The following KATNA1 variants were observed in gnomAD, a reference collection of about 807,000 sequenced individuals.
The protein encoded by KATNA1 is katanin p60 ATPase-containing subunit A1.
In KATNA1, 42 loss-of-function variants were observed where a neutral mutation model predicts 62.6. That is an observed-to-expected ratio of 0.67 (90% CI 0.52 to 0.87). KATNA1 has a LOEUF of 0.87. Among genes scored for constraint, KATNA1 ranks in the 40% least tolerant of loss-of-function variants. The pLI, the probability that KATNA1 is intolerant of heterozygous loss-of-function variation, is 0.00. For synonymous variants in KATNA1, 186 were observed against 201.9 expected (o/e 0.92, Z 0.67); for missense variants, 498 against 612.5 (o/e 0.81, Z 1.97).
intron 4 of KATNA1, among the ~76,000 whole-genome samples, chr6:149,608,328 G>A (rs1433671633): frequency 1.3e-5 from 2 of 152,128 alleles, no homozygotes; most frequent in African/African-American, 4.8e-5. Context: ...TGAGTTCCCT[G>A]GGTTTTCTTT....
chr6:149,627,832 C>G (rs1345850937), intron 3 of KATNA1, among the ~76,000 whole-genome samples: 1 of 151,846 alleles, frequency 6.6e-6, no homozygotes, highest in Non-Finnish European at 1.5e-5. Flanking sequence ...GAGGGAAAGG[C>G]AGGTGAAAGG....
chr6:149,595,838 C>T (rs575379658), intron 10 of KATNA1, among the ~76,000 whole-genome samples: 18 of 152,258 alleles, frequency 1.2e-4, no homozygotes, highest in South Asian at 1.0e-3. Flanking sequence ...AGGAAACGAG[C>T]GCAGTCAAGC....
Position 149,646,361 on chromosome 6 carries a change from C to T in KATNA1, c.-14+2108G>A, listed in dbSNP as rs73779537. On this transcript the variant is annotated intron_variant, in intron 1 of 10. Coordinates refer to ENST00000367411, the MANE Select transcript of KATNA1 (RefSeq NM_007044.4). ...TTAAATACCTCTCTGTAAAATTTAC[C>T]TCCTAAAACAAAAAGATCACGAAGC... Among the ~76,000 whole-genome samples the T allele has an allele frequency of 3.6e-3, 553 of 152,174 alleles. 3 individuals are homozygous for T. The highest frequency in any genetic ancestry group is 0.013 in the African/African-American group (526 of 41,524).
intron 1 of KATNA1, among the ~76,000 whole-genome samples, chr6:149,647,521 C>CAAAAAAAAAAA (rs10719474): frequency 2.1e-5 from 1 of 46,858 alleles, no homozygotes; most frequent in African/African-American, 7.7e-5. Flanking sequence ...GACTCCGTCT[C>CAAAAAAAAAAA]AAAAAAAAAA....
At chr6:149,622,123 G>GT (rs1562292322) in intron 4 of KATNA1, among the ~76,000 whole-genome samples, 1 of 113,682 alleles carries the variant, frequency 8.8e-6, no homozygotes. Flanking sequence ...TGATAACTGT[G>GT]TTTTTTTTGT....
intron 5 of KATNA1, among the ~76,000 whole-genome samples, chr6:149,603,577 T>C (rs1261454903): frequency 1.3e-5 from 2 of 152,198 alleles, no homozygotes; most frequent in East Asian, 3.8e-4. Flanking sequence ...TCTTCAGTTA[T>C]TGGCGGTTGA....
At chr6:149,627,402 A>G (rs1298610932) in intron 3 of KATNA1, among the ~76,000 whole-genome samples, 1 of 151,650 alleles carries the variant, frequency 6.6e-6, no homozygotes. Context: ...CCTGTCTACT[A>G]AAAATACAAA....
intron 4 of KATNA1, among the ~76,000 whole-genome samples, chr6:149,611,987 G>A (rs986604001): frequency 1.3e-5 from 2 of 151,842 alleles, no homozygotes; most frequent in Non-Finnish European, 2.9e-5. Flanking sequence ...GCGACAAAGC[G>A]AGACTCCATC....
At chr6:149,614,557 A>C (rs1447607539) in intron 4 of KATNA1, among the ~76,000 whole-genome samples, 11 of 152,138 alleles carry the variant, frequency 7.2e-5, no homozygotes, top group Admixed American at 5.9e-4. Context: ...AGGATTGCTT[A>C]AGGCCAGGAT....
At chr6:149,601,463 A>T in intron 7 of KATNA1, 131 bp downstream of exon 7, 1 of 571,992 alleles carries the variant, frequency 1.7e-6, no homozygotes, top group Non-Finnish European at 2.9e-6. Flanking sequence ...ATCTAGCTTT[A>T]AGGGCATAGG....
chr6:149,641,895 T>G (rs1350929784), intron 1 of KATNA1, among the ~76,000 whole-genome samples: 3 of 152,138 alleles, frequency 2.0e-5, no homozygotes, highest in Non-Finnish European at 4.4e-5. Flanking sequence ...AAACCTCTTT[T>G]TATTCTTTTA....
intron 7 of KATNA1, among the ~76,000 whole-genome samples, chr6:149,599,233 A>C (rs1778440449): frequency 6.6e-6 from 1 of 152,122 alleles, no homozygotes; most frequent in Non-Finnish European, 1.5e-5. Flanking sequence ...TTTTTCAACA[A>C]ATGGAGAGAG....
intron 4 of KATNA1, among the ~76,000 whole-genome samples, chr6:149,612,344 C>T (rs1275357845): frequency 1.3e-5 from 2 of 152,052 alleles, no homozygotes; most frequent in African/African-American, 4.8e-5. Context: ...TCTGTCTCTA[C>T]TAAAATACAA....
intron 7 of KATNA1, among the ~76,000 whole-genome samples, chr6:149,600,770 TAAAAAAA>T (rs386408910): frequency 5.5e-5 from 6 of 108,374 alleles, no homozygotes; most frequent in African/African-American, 1.0e-4. Flanking sequence ...ACCCCATCTG[TAAAAAAA>T]AAAAAAAAAA....
chr6:149,634,811 C>T (rs1562299930), intron 2 of KATNA1, among the ~76,000 whole-genome samples: 1 of 152,034 alleles, frequency 6.6e-6, no homozygotes, highest in Non-Finnish European at 1.5e-5. Context: ...TATTATATAT[C>T]AGTAAATAAT....
rs1244692322 is a variant in KATNA1, at chr6:149,607,433, GAA to G, written c.502-2653_502-2652del. On this transcript the variant is annotated intron_variant, in intron 4 of 10. Coordinates refer to ENST00000367411, the MANE Select transcript of KATNA1 (RefSeq NM_007044.4). ...TCGAGATCAGGCTGGCCAACATGGTGAAACCCCCTCTCTACTAAAAATACAAA... is the reference window on the plus strand; with the variant it reads ...TCGAGATCAGGCTGGCCAACATGGTGACCCCCTCTCTACTAAAAATACAAA... 2.0e-5 allele frequency among the ~76,000 whole-genome samples: 3 copies of G among 152,240 alleles called. No homozygotes were observed. In the East Asian group the frequency reaches 5.8e-4, roughly 29 times the overall value.
chr6:149,634,732 C>T (rs1421045529), intron 2 of KATNA1, among the ~76,000 whole-genome samples: 2 of 152,036 alleles, frequency 1.3e-5, no homozygotes, highest in African/African-American at 4.8e-5. Flanking sequence ...TCCCAATTAC[C>T]CTGATTTGAT....
chr6:149,644,363 G>A (rs952816881), intron 1 of KATNA1, among the ~76,000 whole-genome samples: 2 of 152,018 alleles, frequency 1.3e-5, no homozygotes, highest in Non-Finnish European at 2.9e-5. Flanking sequence ...GTTCACGCCT[G>A]TAATCCTAGT....
At chr6:149,597,303 GAA>G (rs1778363181) in intron 9 of KATNA1, 114 bp from the exon 10 acceptor site, 2 of 1,284,368 alleles carry the variant, frequency 1.6e-6, no homozygotes, top group Admixed American at 2.4e-5. Context: ...GGATCTCTAA[GAA>G]GAGATAATTA....
Sources: gnomAD v4.1 joint callset for allele counts (sites outside exome capture counted in the v4.1 genomes callset) on GRCh38, gnomAD v4.1.1 for gene constraint, MANE v1.5 for transcripts, NCBI Gene and HGNC (gene_info 2026-07-23, HGNC 2026-07-21) for gene names.